Variants in TMCO5A observed in about 807,000 individuals in gnomAD.
TMCO5A encodes transmembrane and coiled-coil domains 5A.
In TMCO5A, 34 loss-of-function variants were observed where a neutral mutation model predicts 42.3. The ratio of observed to expected loss-of-function variants is 0.80; its 90% CI spans 0.61 to 1.07. TMCO5A has a LOEUF of 1.07. Among genes scored for constraint, TMCO5A ranks in the 50% least tolerant of loss-of-function variants. TMCO5A has a pLI of 0.00. For missense variants in TMCO5A, 357 were observed against 327.9 expected (o/e 1.09, Z -0.69); for synonymous variants, 131 against 115.6 (o/e 1.13, Z -0.86).
the TMCO5A span, among the ~76,000 whole-genome samples, chr15:37,994,313 G>A: frequency 6.6e-6 from 1 of 152,112 alleles, no homozygotes; most frequent in Non-Finnish European, 1.5e-5. Flanking sequence ...GCAAGATCCG[G>A]CTAAGAGAGT....
chr15:37,950,853 A>G (rs1481377408), intron 11 of TMCO5A, among the ~76,000 whole-genome samples, 183 bp from the exon 12 acceptor site: 2 of 152,184 alleles, frequency 1.3e-5, no homozygotes, highest in Non-Finnish European at 2.9e-5. Flanking sequence ...GGTAATGGAC[A>G]GAGAATAACC....
At chr15:37,972,005 T>C (rs1354437000), downstream of TMCO5A, among the ~76,000 whole-genome samples, 1 of 152,222 alleles carries the variant, frequency 6.6e-6, no homozygotes, top group Non-Finnish European at 1.5e-5. Context: ...TTCTACATTT[T>C]TGAGTATCTT....
intron 11 of TMCO5A, among the ~76,000 whole-genome samples, chr15:37,964,571 A>G (rs1890512117): frequency 6.6e-6 from 1 of 152,054 alleles, no homozygotes; most frequent in South Asian, 2.1e-4. Context: ...CCTCCCATCC[A>G]CCATGATGAC....
chr15:37,957,878 G>T (rs1364323279), intron 11 of TMCO5A, among the ~76,000 whole-genome samples: 2 of 151,936 alleles, frequency 1.3e-5, no homozygotes, highest in Non-Finnish European at 2.9e-5. Context: ...GCATGGTACT[G>T]GTACCAAAAC....
downstream of TMCO5A, among the ~76,000 whole-genome samples, chr15:37,955,190 C>T (rs1274663901): frequency 6.7e-6 from 1 of 149,844 alleles, no homozygotes; most frequent in Non-Finnish European, 1.5e-5. Context: ...GGATCTGTTG[C>T]CTAAAAGAAA....
In TMCO5A at chr15:37,936,297, G is replaced by T. The variant is rs564937611; in HGVS notation, c.-10-17G>T. The T allele has an allele frequency of 6.3e-7, 1 of 1,594,308 alleles. No homozygotes were observed. Among genetic ancestry groups the T allele is most frequent in the Admixed American group, 1.8e-5 (1 of 55,404 alleles). ...GAGATAACTGGCCCTTGTTCATTTT[G>T]GGGGCTGAGTCTATAGGTCGGAGAA... On this transcript the variant is annotated splice_polypyrimidine_tract_variant and intron_variant, in intron 2 of 11. Transcript: ENST00000319669.
At chr15:37,999,093 A>ATGGAG in the TMCO5A span, among the ~76,000 whole-genome samples, 3 of 152,250 alleles carry the variant, frequency 2.0e-5, no homozygotes, top group Non-Finnish European at 4.4e-5. Flanking sequence ...TTTAGTAGAG[A>ATGGAG]TGGAGTTTCT....
chr15:38,013,690 CAT>C, the TMCO5A span, among the ~76,000 whole-genome samples: 1 of 152,186 alleles, frequency 6.6e-6, no homozygotes, highest in Admixed American at 6.5e-5. Context: ...ATTACTTCAA[CAT>C]GTGATAATTT....
the TMCO5A span, among the ~76,000 whole-genome samples, chr15:37,991,130 A>T: frequency 6.6e-6 from 1 of 152,142 alleles, no homozygotes; most frequent in African/African-American, 2.4e-5. Flanking sequence ...TAGAGTTACA[A>T]ACCAAAGTTA....
the TMCO5A span, among the ~76,000 whole-genome samples, chr15:38,010,424 A>AGC: frequency 1.7e-4 from 5 of 30,066 alleles, 1 homozygote; most frequent in African/African-American, 3.7e-4. Flanking sequence ...GCAGAGGGAG[A>AGC]TCACACACAC....
the TMCO5A span, among the ~76,000 whole-genome samples, chr15:37,977,574 T>G: frequency 8.4e-3 from 1,274 of 152,346 alleles, 17 homozygotes; most frequent in African/African-American, 0.022. Context: ...ACGTGGCTCC[T>G]CTGTATTTCC....
the TMCO5A span, among the ~76,000 whole-genome samples, chr15:38,027,453 G>A: frequency 6.6e-6 from 1 of 152,190 alleles, no homozygotes; most frequent in African/African-American, 2.4e-5. Context: ...TACTGCCATT[G>A]TATCTGGGAA....
At chr15:38,034,412 A>G in the TMCO5A span, among the ~76,000 whole-genome samples, 1 of 152,204 alleles carries the variant, frequency 6.6e-6, no homozygotes, top group African/African-American at 2.4e-5. Context: ...GAATTTGTAT[A>G]CCTGGGACAT....
intron 2 of TMCO5A, 69 bp from the exon 3 acceptor site, chr15:37,936,245 C>CT: frequency 6.5e-7 from 1 of 1,535,504 alleles, no homozygotes; most frequent in Non-Finnish European, 8.8e-7. Flanking sequence ...TCTAAATACC[C>CT]TTTTTGGCCT....
chr15:38,034,687 T>C, the TMCO5A span, among the ~76,000 whole-genome samples: 4 of 152,056 alleles, frequency 2.6e-5, no homozygotes, highest in Admixed American at 1.3e-4. Flanking sequence ...CTCCCAAATA[T>C]TTATATGAAG....
At chr15:38,002,208 G>GTA in the TMCO5A span, among the ~76,000 whole-genome samples, 12 of 145,244 alleles carry the variant, frequency 8.3e-5, no homozygotes, top group African/African-American at 3.0e-4. Flanking sequence ...AGGATAAAAG[G>GTA]TTTTTTTTTT....
intron 6 of TMCO5A, among the ~76,000 whole-genome samples, chr15:37,938,701 T>G (rs530831658): frequency 1.8e-3 from 271 of 152,210 alleles, no homozygotes; most frequent in Non-Finnish European, 3.3e-3. Context: ...GAGGCAGAAC[T>G]AGGATTTGTA....
chr15:37,937,142 T>C (rs1171540677), intron 4 of TMCO5A, among the ~76,000 whole-genome samples, 172 bp downstream of exon 4: 5 of 152,178 alleles, frequency 3.3e-5, no homozygotes, highest in Non-Finnish European at 7.4e-5. Context: ...TCTTGGGCAA[T>C]GTTTAATCAT....
chr15:38,002,899 T>G, the TMCO5A span, among the ~76,000 whole-genome samples: 1 of 152,132 alleles, frequency 6.6e-6, no homozygotes, highest in Non-Finnish European at 1.5e-5. Context: ...TTCTGGGTAG[T>G]CTTGATGCTT....
Sources: allele counts gnomAD v4.1 joint callset (sites outside exome capture counted in the v4.1 genomes callset), GRCh38; gene constraint gnomAD v4.1.1; transcripts MANE v1.5; gene names NCBI Gene and HGNC (gene_info 2026-07-23, HGNC 2026-07-21).